The following CEP70 variants were observed in gnomAD, a reference collection of about 807,000 sequenced individuals.
CEP70 encodes the protein centrosomal protein of 70 kDa.
Under a neutral mutation model 90.9 loss-of-function variants are expected in CEP70, and 70 were observed. The ratio of observed to expected loss-of-function variants is 0.77; its 90% CI spans 0.64 to 0.94. The LOEUF (loss-of-function observed/expected upper bound fraction) is 0.94. Ranked by LOEUF, CEP70 falls within the 40% of genes least tolerant of loss-of-function variation. The pLI is 0.00. For synonymous variants in CEP70, 220 were observed against 228.3 expected (o/e 0.96, Z 0.33); for missense variants, 648 against 669.0 (o/e 0.97, Z 0.35).
chr3:138,579,481 G>C (rs2108222666), intron 2 of CEP70, among the ~76,000 whole-genome samples: 1 of 151,640 alleles, frequency 6.6e-6, no homozygotes, highest in South Asian at 2.1e-4. Flanking sequence ...GAAGACAAGA[G>C]GGAAGAGTAA....
chr3:138,539,482 T>C (rs2038571136), intron 6 of CEP70, among the ~76,000 whole-genome samples: 1 of 151,948 alleles, frequency 6.6e-6, no homozygotes, highest in Non-Finnish European at 1.5e-5. Context: ...ATTGAAATAA[T>C]AACTTTTAAA....
At position 138,571,078 on chromosome 3, in the gene CEP70, T is replaced by C. The variant is rs1322655570; in HGVS notation, c.240A>G (p.Gln80=). ...LKLLVEETSC[Q]QNMIQELIET... ...CTATAAGCTCCTGTATCATGTTCTG[T>C]TGACATGATGTTTCTTCCACCAACA... Residue 80 remains glutamine (Q), a synonymous_variant, in exon 5 of 18, where the codon CAA becomes CAG. Transcript: ENST00000264982. The C allele has an allele frequency of 6.2e-7, 1 of 1,604,574 alleles. No homozygotes were observed. The highest frequency in any genetic ancestry group is 2.2e-5 in the East Asian group (1 of 44,674).
intron 11 of CEP70, among the ~76,000 whole-genome samples, chr3:138,514,389 A>C (rs1032373973): frequency 7.9e-5 from 12 of 152,140 alleles, no homozygotes; most frequent in African/African-American, 2.9e-4. Context: ...AATATCTCTA[A>C]CAGATTGCCT....
Position 138,500,129 on chromosome 3 carries a change from CTAATACCTGCA to C in CEP70, c.1622_1632del (p.Met541ArgfsTer3), listed in dbSNP as rs2108662876. 1 of 1,611,794 alleles carries C rather than the reference CTAATACCTGCA, an allele frequency of 6.2e-7. No individual in the cohort carries two copies. The highest frequency in any genetic ancestry group is 1.7e-5 in the Admixed American group (1 of 60,018). On this transcript the variant is annotated frameshift_variant, in exon 16 of 18. Coordinates refer to ENST00000264982, the MANE Select transcript of CEP70 (RefSeq NM_024491.4). LOFTEE classifies it high-confidence loss of function. The stretch of plus-strand genomic sequence containing the variant: ...AAATACCTCTGGAGGTCTTCAGGTC[CTAATACCTGCA>C]TAACCTGCTCATTCACATCTTCATT...
chr3:138,591,031 A>G (rs2042356460), intron 2 of CEP70, among the ~76,000 whole-genome samples: 1 of 152,214 alleles, frequency 6.6e-6, no homozygotes, highest in South Asian at 2.1e-4. Context: ...AGATTTTGTT[A>G]AATAACAAAA....
intron 11 of CEP70, among the ~76,000 whole-genome samples, chr3:138,514,639 T>A (rs1316551280): frequency 6.6e-6 from 1 of 152,126 alleles, no homozygotes; most frequent in East Asian, 1.9e-4. Context: ...TCTTTAATTT[T>A]AAATTTTTTA....
intron 8 of CEP70, among the ~76,000 whole-genome samples, chr3:138,531,894 C>A (rs1012554905): frequency 6.6e-6 from 1 of 152,004 alleles, no homozygotes; most frequent in South Asian, 2.1e-4. Flanking sequence ...GAACATGGTA[C>A]AAAATAGGTG....
At chr3:138,554,595 G>C (rs371123709) in intron 6 of CEP70, among the ~76,000 whole-genome samples, 2 of 152,098 alleles carry the variant, frequency 1.3e-5, no homozygotes, top group East Asian at 3.9e-4. Context: ...AAAGCTCCCA[G>C]AACTGATAAA....
rs548773424 is a variant in CEP70, at chr3:138,574,659, C to T, written c.-5-1727G>A. ...CCTACTCAAGTGGGTCCCTGACCTC[C>T]GTGTAGCCTAACTGGGAGACACCTC... On this transcript the variant is annotated intron_variant, in intron 2 of 17. Transcript: ENST00000264982. Among the ~76,000 whole-genome samples, 18 of 152,310 alleles carry T rather than the reference C, an allele frequency of 1.2e-4. 1 individual carries two copies. The highest frequency in any genetic ancestry group is 8.3e-4 in the South Asian group (4 of 4,824).
At chr3:138,539,999 T>A (rs1331711209) in intron 6 of CEP70, among the ~76,000 whole-genome samples, 1 of 152,084 alleles carries the variant, frequency 6.6e-6, no homozygotes, top group African/African-American at 2.4e-5. Flanking sequence ...AGCTTCTGCA[T>A]AGCAAAAGTA....
At chr3:138,580,674 T>C (rs1381582599) in intron 2 of CEP70, among the ~76,000 whole-genome samples, 1 of 151,870 alleles carries the variant, frequency 6.6e-6, no homozygotes, top group Non-Finnish European at 1.5e-5. Context: ...CCAAACTAAA[T>C]AAGACACAAG....
chr3:138,500,560 T>C lies in CEP70; in HGVS notation c.1376A>G (p.Asn459Ser), dbSNP rs763371463. The C allele has an allele frequency of 1.0e-5, 16 of 1,590,006 alleles. No homozygotes were observed. Among genetic ancestry groups the C allele is most frequent in the African/African-American group, 2.7e-5 (2 of 73,168 alleles). Residue 459 changes from asparagine to serine, a missense_variant, in exon 15 of 18, where the codon AAT becomes AGT. By Grantham distance (46) the Asn-to-Ser change is conservative. Coordinates refer to ENST00000264982, the MANE Select transcript of CEP70 (RefSeq NM_024491.4). ...TTGCAAAGTTTGAAAGTGTGGCATA[T>C]TGCTGTCCTGTCCAAAAAAGAGGTA... ...EEVENKEKDS[N>S]MPHFQTLQAI...
At chr3:138,522,186 T>C (rs1365475139) in intron 11 of CEP70, among the ~76,000 whole-genome samples, 1 of 151,896 alleles carries the variant, frequency 6.6e-6, no homozygotes, top group East Asian at 1.9e-4. Flanking sequence ...CCAGAGACCT[T>C]TGTTCACATG....
chr3:138,498,406 C>A (rs182948413), intron 16 of CEP70, among the ~76,000 whole-genome samples: 1 of 149,002 alleles, frequency 6.7e-6, no homozygotes, highest in Middle Eastern at 3.4e-3. Context: ...GGCGCTGTCT[C>A]GGCTCACTGC....
chr3:138,570,447 A>G lies in CEP70; in HGVS notation c.336T>C (p.Ala112=), dbSNP rs762782208. 6.2e-7 allele frequency: 1 copy of G among 1,610,148 alleles called. No individual in the cohort carries two copies. The highest frequency in any genetic ancestry group is 8.5e-7 in the Non-Finnish European group (1 of 1,178,826). ...TTTCCATAATTTGTTCCAAGTCATT[A>G]GCTCGTTGTTCTTGATTGGCTGCTC... is the stretch of plus-strand genomic sequence containing the variant. ...QSRAANQEQR[A]NDLEQIMESV... Residue 112 remains alanine (A), a synonymous_variant, in exon 6 of 18, where the codon GCT becomes GCC. Transcript: ENST00000264982.
chr3:138,587,072 T>C (rs2042140481), intron 2 of CEP70, among the ~76,000 whole-genome samples: 1 of 152,036 alleles, frequency 6.6e-6, no homozygotes, highest in Non-Finnish European at 1.5e-5. Flanking sequence ...ATAGGAACTA[T>C]AACCTCTATA....
chr3:138,576,810 G>C (rs536425405), intron 2 of CEP70, among the ~76,000 whole-genome samples: 3 of 152,068 alleles, frequency 2.0e-5, no homozygotes, highest in Non-Finnish European at 4.4e-5. Flanking sequence ...ACTCAAAACC[G>C]CACAACTACA....
chr3:138,571,457 CAA>C, intron 3 of CEP70, 101 bp from the exon 4 acceptor site: 2 of 812,410 alleles, frequency 2.5e-6, no homozygotes, highest in Non-Finnish European at 3.9e-6. Flanking sequence ...ACTTTTTCTT[CAA>C]AAGTTTTAAG....
At chr3:138,566,189 A>G (rs2040774322) in intron 6 of CEP70, among the ~76,000 whole-genome samples, 1 of 152,178 alleles carries the variant, frequency 6.6e-6, no homozygotes, top group East Asian at 1.9e-4. Context: ...GATGCCGGAG[A>G]GGATGTGGAG....
Sources: allele counts gnomAD v4.1 joint callset (sites outside exome capture counted in the v4.1 genomes callset), GRCh38; gene constraint gnomAD v4.1.1; transcripts MANE v1.5; gene names NCBI Gene and HGNC (gene_info 2026-07-23, HGNC 2026-07-21).